The following LPP variants were observed in gnomAD, a reference collection of about 807,000 sequenced individuals.
LPP encodes the protein LIM domain containing preferred translocation partner in lipoma, also known as lipoma-preferred partner.
In LPP, 38 loss-of-function variants were observed where a neutral mutation model predicts 60.4. The ratio of observed to expected loss-of-function variants is 0.63; its 90% CI spans 0.49 to 0.83. LPP has a LOEUF of 0.83. Ranked by LOEUF, LPP falls within the 40% of genes least tolerant of loss-of-function variation. The pLI is 0.00. For synonymous variants in LPP, 328 were observed against 290.8 expected, an observed-to-expected ratio of 1.13 and a Z score of -1.30; for missense variants, 902 against 783.6, an observed-to-expected ratio of 1.15 and a Z score of -1.80.
intron 9 of LPP, among the ~76,000 whole-genome samples, chr3:188,785,798 A>G (rs1321656813): frequency 6.6e-6 from 1 of 151,704 alleles, no homozygotes; most frequent in Non-Finnish European, 1.5e-5. Flanking sequence ...TTTCCATAGG[A>G]CCAGCCTGCT....
At chr3:188,373,367 T>C (rs1198681348) in intron 3 of LPP, among the ~76,000 whole-genome samples, 1 of 152,220 alleles carries the variant, frequency 6.6e-6, no homozygotes, top group African/African-American at 2.4e-5. Flanking sequence ...CTCCAGCACC[T>C]GTTGTTTCCT....
chr3:188,716,359 G>A (rs893866436), intron 8 of LPP, among the ~76,000 whole-genome samples: 1 of 152,128 alleles, frequency 6.6e-6, no homozygotes, highest in Non-Finnish European at 1.5e-5. Context: ...TGGTGCCTTG[G>A]TATCAACTCA....
At chr3:188,214,594 C>T (rs549971242) in intron 1 of LPP, among the ~76,000 whole-genome samples, 49 of 152,246 alleles carry the variant, frequency 3.2e-4, no homozygotes, top group African/African-American at 1.1e-3. Context: ...AGAGGGGAAG[C>T]GACTCTCTAA....
chr3:188,252,693 A>C (rs759652393), intron 2 of LPP, among the ~76,000 whole-genome samples: 1 of 152,154 alleles, frequency 6.6e-6, no homozygotes, highest in Non-Finnish European at 1.5e-5. Flanking sequence ...TAAGCATCTT[A>C]ATGTATTTAA....
In LPP at chr3:188,874,529, G is replaced by A. The variant is rs1214831670; in HGVS notation, c.*50G>A. 2 of 1,593,892 alleles carry A rather than the reference G, an allele frequency of 1.3e-6. No homozygotes were observed. The highest frequency in any genetic ancestry group is 1.7e-6 in the Non-Finnish European group (2 of 1,165,444). ...CTGAGAAGAACGAACACAAGAAAAA[G>A]ATAAGAAATACTAGAGTAAAGGCCA... On this transcript the variant is annotated 3_prime_UTR_variant, in exon 12 of 12. Transcript: ENST00000617246.
intron 6 of LPP, among the ~76,000 whole-genome samples, chr3:188,527,274 C>T (rs1020104424): frequency 4.7e-5 from 7 of 149,620 alleles, no homozygotes; most frequent in South Asian, 2.1e-4. Flanking sequence ...CGTTTGAACC[C>T]GGGAGGCGGA....
intron 9 of LPP, among the ~76,000 whole-genome samples, chr3:188,825,265 CTCTCTGTG>C (rs1414832359): frequency 1.0e-3 from 104 of 100,676 alleles, no homozygotes; most frequent in African/African-American, 2.2e-3. Context: ...CTCTCTCTCT[CTCTCTGTG>C]TGTGTGTGTG....
At chr3:188,524,825 C>T (rs1820001454) in intron 6 of LPP, 38 bp downstream of exon 6, 1 of 1,595,118 alleles carries the variant, frequency 6.3e-7, no homozygotes, top group Non-Finnish European at 8.5e-7. Flanking sequence ...ACAGCCATTC[C>T]CAGATATTCT....
At chr3:188,707,139 G>A (rs900873457) in intron 7 of LPP, among the ~76,000 whole-genome samples, 15 of 151,468 alleles carry the variant, frequency 9.9e-5, no homozygotes, top group African/African-American at 2.7e-4. Flanking sequence ...ATTCTGGCTC[G>A]CCCGCCTATT....
At chr3:188,384,712 C>A (rs1217579574) in intron 3 of LPP, among the ~76,000 whole-genome samples, 1 of 146,154 alleles carries the variant, frequency 6.8e-6, no homozygotes, top group African/African-American at 2.6e-5. Flanking sequence ...ATCGCTTGAA[C>A]CACGAAGTCG....
chr3:188,169,597 A>G (rs1392162922), intron 1 of LPP, among the ~76,000 whole-genome samples: 1 of 152,230 alleles, frequency 6.6e-6, no homozygotes, highest in Admixed American at 6.5e-5. Flanking sequence ...AGTATTGTGT[A>G]TCTTTACCAT....
chr3:188,753,616 T>TGTGTGTG (rs3057930), intron 8 of LPP, among the ~76,000 whole-genome samples: 1 of 141,068 alleles, frequency 7.1e-6, no homozygotes, highest in African/African-American at 2.6e-5. Flanking sequence ...TGTGTGTGTG[T>TGTGTGTG]TTTGTTTTTT....
rs372100156 is a variant in LPP, at chr3:188,357,280, G to T, written c.-10+15561G>T. 3.9e-5 allele frequency among the ~76,000 whole-genome samples: 6 copies of T among 152,142 alleles called. No homozygotes were observed. In the East Asian group the frequency reaches 1.2e-3, roughly 29 times the overall value. ...ACCTACCCTAAAGACAGGAAAGAAG[G>T]TGAACGGCTATTTCACTAGATGCTG... On this transcript the variant is annotated intron_variant, in intron 3 of 11. Transcript: ENST00000617246.
intron 2 of LPP, among the ~76,000 whole-genome samples, chr3:188,248,838 G>A (rs150304782): frequency 7.9e-5 from 12 of 152,146 alleles, no homozygotes; most frequent in East Asian, 7.8e-4. Flanking sequence ...CTGCTAATAC[G>A]TTTTTAAAAA....
intron 9 of LPP, among the ~76,000 whole-genome samples, 187 bp from the exon 10 acceptor site, chr3:188,866,013 G>A (rs962818397): frequency 4.6e-5 from 7 of 152,148 alleles, no homozygotes; most frequent in East Asian, 1.9e-4. Flanking sequence ...TTAATTGGCC[G>A]ATAACACTTG....
At chr3:188,735,717 G>T (rs1722270625) in intron 8 of LPP, among the ~76,000 whole-genome samples, 1 of 152,110 alleles carries the variant, frequency 6.6e-6, no homozygotes, top group African/African-American at 2.4e-5. Context: ...CAGAGAAAGG[G>T]CAATGTCCCC....
At chr3:188,484,824 G>GC in intron 5 of LPP, 120 bp downstream of exon 5, 2 of 719,584 alleles carry the variant, frequency 2.8e-6, no homozygotes, top group Non-Finnish European at 4.7e-6. Context: ...CATTTATCCA[G>GC]AGCCTATTGA....
intron 2 of LPP, among the ~76,000 whole-genome samples, chr3:188,300,142 G>C (rs530764622): frequency 6.7e-4 from 102 of 152,168 alleles, no homozygotes; most frequent in African/African-American, 2.3e-3. Flanking sequence ...GGACATCATT[G>C]TTCTAATTTA....
chr3:188,362,101 T>C lies in LPP; in HGVS notation c.-10+20382T>C, dbSNP rs143950382. ...CTGTGGGCCCGAAGGAGGGTTTCCG[T>C]GGGCGTGAGTATGAAGGAGGGGTTT... On this transcript the variant is annotated intron_variant, in intron 3 of 11. Transcript: ENST00000617246. Among the ~76,000 whole-genome samples the C allele has an allele frequency of 1.4e-3, 216 of 152,178 alleles. 1 individual carries two copies. The highest frequency in any genetic ancestry group is 4.8e-3 in the Admixed American group (73 of 15,290).
Sources: allele counts gnomAD v4.1 joint callset (sites outside exome capture counted in the v4.1 genomes callset), GRCh38; gene constraint gnomAD v4.1.1; transcripts MANE v1.5; gene names NCBI Gene and HGNC (gene_info 2026-07-23, HGNC 2026-07-21).